Variants in TRPC5 observed in about 807,000 individuals in gnomAD.
TRPC5 encodes short transient receptor potential channel 5.
In TRPC5, 9 loss-of-function variants were observed where a neutral mutation model predicts 56.5. The ratio of observed to expected loss-of-function variants is 0.16; its 90% CI spans 0.10 to 0.28. The LOEUF (loss-of-function observed/expected upper bound fraction) is 0.28, where lower values mean the gene tolerates loss of function less well. Among genes scored for constraint, TRPC5 ranks in the 10% least tolerant of loss-of-function variants. The pLI is 1.00. For synonymous variants in TRPC5, 282 were observed against 278.5 expected, an observed-to-expected ratio of 1.01 and a Z score of -0.13; for missense variants, 469 against 748.9, an observed-to-expected ratio of 0.63 and a Z score of 4.36.
At chrX:111,825,166 TC>T in intron 7 of TRPC5, among the ~76,000 whole-genome samples, 1 of 70,563 alleles carries the variant, frequency 1.4e-5, no homozygotes, top group South Asian at 7.5e-4. Context: ...TTTCTTTCTT[TC>T]TTTCTTTCTT....
At chrX:111,821,196 C>T (rs1269954177) in intron 7 of TRPC5, among the ~76,000 whole-genome samples, 3 of 111,814 alleles carry the variant, frequency 2.7e-5, no homozygotes, top group African/African-American at 6.5e-5. Flanking sequence ...GAGATAAATA[C>T]ATTCCTTGAC....
intron 2 of TRPC5, among the ~76,000 whole-genome samples, chrX:111,923,003 C>T (rs149672260): frequency 3.6e-5 from 4 of 110,648 alleles, no homozygotes; most frequent in African/African-American, 1.3e-4. Flanking sequence ...ATAATTACTC[C>T]CATTTTATAT....
chrX:111,789,296 C>G (rs960922448), intron 7 of TRPC5, among the ~76,000 whole-genome samples: 4 of 111,553 alleles, frequency 3.6e-5, no homozygotes, highest in Non-Finnish European at 3.8e-5. Context: ...ACAAACCTGA[C>G]AAAAACAAGC....
chrX:111,823,624 T>C (rs1449395707), intron 7 of TRPC5, among the ~76,000 whole-genome samples: 2 of 111,218 alleles, frequency 1.8e-5, no homozygotes, highest in African/African-American at 6.6e-5. Context: ...GTGTGAAGTC[T>C]GCTGGACACA....
At chrX:111,905,666 G>A (rs1034224769) in intron 3 of TRPC5, among the ~76,000 whole-genome samples, 15 of 111,505 alleles carry the variant, frequency 1.3e-4, no homozygotes, top group African/African-American at 4.9e-4. Context: ...TGTAATCCCA[G>A]CACTTTGGGA....
rs1438148660 is a variant in TRPC5, at chrX:111,771,210, ATTGT to A, written c.*5099_*5102del. On this transcript the variant is annotated 3_prime_UTR_variant, in exon 11 of 11. Transcript: ENST00000262839. ...GTGGGCTGTTTATGTTCCTACAGAA[ATTGT>A]TTGTCATTTATTTGTGTAGTAACAG... Among the ~76,000 whole-genome samples, 4 of 111,804 alleles carry A rather than the reference ATTGT, an allele frequency of 3.6e-5. No homozygotes were observed. Among genetic ancestry groups the A allele is most frequent in the South Asian group, 7.5e-4 (2 of 2,659 alleles).
chrX:111,983,371 T>G (rs146701370), intron 1 of TRPC5, among the ~76,000 whole-genome samples: 4,338 of 111,255 alleles, frequency 0.039, 209 homozygotes, highest in African/African-American at 0.13. Flanking sequence ...AGTGGCTGAG[T>G]AAAGAGCCTG....
At chrX:111,936,444 T>C (rs1926579498) in intron 2 of TRPC5, among the ~76,000 whole-genome samples, 1 of 109,750 alleles carries the variant, frequency 9.1e-6, no homozygotes, top group Admixed American at 9.7e-5. Context: ...GCTGCACCCA[T>C]TAACTCGTCA....
Position 111,980,300 on chromosome X carries a change from A to G in TRPC5, c.-21-27859T>C, listed in dbSNP as rs138299664. Among the ~76,000 whole-genome samples the G allele has an allele frequency of 8.0e-3, 897 of 111,520 alleles. 8 individuals are homozygous for G. Among genetic ancestry groups the G allele is most frequent in the African/African-American group, 0.027 (840 of 30,791 alleles). ...TGAATCTATAGTGAGAAAAAGATCA[A>G]TGGTTGCCTGTGGATGATGGGGATG... is the stretch of plus-strand genomic sequence containing the variant. On this transcript the variant is annotated intron_variant, in intron 1 of 10. Transcript: ENST00000262839.
intron 2 of TRPC5, among the ~76,000 whole-genome samples, chrX:111,945,390 A>G (rs1926906563): frequency 9.1e-6 from 1 of 110,005 alleles, no homozygotes; most frequent in South Asian, 3.9e-4. Context: ...TCTACCCCTA[A>G]GTAAACAGGC....
intron 3 of TRPC5, among the ~76,000 whole-genome samples, chrX:111,882,757 A>G (rs1170576064): frequency 8.9e-6 from 1 of 112,481 alleles, no homozygotes; most frequent in African/African-American, 3.2e-5. Flanking sequence ...GACAGAGTCT[A>G]AGTCTAGTTA....
chrX:111,981,002 G>C (rs1369143114), intron 1 of TRPC5, among the ~76,000 whole-genome samples: 1 of 107,428 alleles, frequency 9.3e-6, no homozygotes, highest in Non-Finnish European at 1.9e-5. Flanking sequence ...TATATACAGA[G>C]AAGACTATCT....
chrX:112,014,939 T>C (rs2148664018), intron 1 of TRPC5, among the ~76,000 whole-genome samples: 1 of 111,608 alleles, frequency 9.0e-6, no homozygotes, highest in Non-Finnish European at 1.9e-5. Context: ...GGCATCAGTA[T>C]TTTTAGAGCT....
At chrX:111,939,159 T>C (rs1191144892) in intron 2 of TRPC5, among the ~76,000 whole-genome samples, 1 of 112,285 alleles carries the variant, frequency 8.9e-6, no homozygotes, top group East Asian at 2.8e-4. Flanking sequence ...GAAATAATCA[T>C]ATGGTTTCTG....
chrX:111,778,317 T>C (rs1359859195), intron 10 of TRPC5, among the ~76,000 whole-genome samples: 1 of 111,340 alleles, frequency 9.0e-6, no homozygotes, highest in Non-Finnish European at 1.9e-5. Flanking sequence ...AAAATATATA[T>C]ATAGATGTGT....
intron 2 of TRPC5, among the ~76,000 whole-genome samples, chrX:111,923,970 T>A (rs928072588): frequency 1.4e-4 from 16 of 112,116 alleles, no homozygotes; most frequent in Non-Finnish European, 2.6e-4. Context: ...CTTGGTTCAC[T>A]TTGTATAAAT....
chrX:111,825,175 CT>C (rs1252718290), intron 7 of TRPC5, among the ~76,000 whole-genome samples: 1 of 80,076 alleles, frequency 1.2e-5, no homozygotes, highest in Non-Finnish European at 2.3e-5. Flanking sequence ...TTCTTTCTTT[CT>C]TTCTTTCTTT....
Position 111,853,941 on chromosome X carries a change from G to A in TRPC5, c.1066C>T (p.Leu356Phe), listed in dbSNP as rs752581138. The A allele has an allele frequency of 5.0e-6, 6 of 1,211,821 alleles. No individual in the cohort carries two copies. The highest frequency in any genetic ancestry group is 6.7e-6 in the Non-Finnish European group (6 of 895,550). Residue 356 changes from leucine to phenylalanine, a missense_variant, in exon 4 of 11, where the codon CTT (leucine) becomes TTT (phenylalanine). By Grantham distance (22) the Leu-to-Phe change is conservative. Coordinates refer to ENST00000262839, the MANE Select transcript of TRPC5 (RefSeq NM_012471.3). Reference protein sequence around the residue: ...IAYLISPRSNLGLFIKKPFIK... With the variant: ...IAYLISPRSNFGLFIKKPFIK... ...AAGGGTTTCTTGATGAACAGCCCAA[G>A]GTTGCTCCTGGGTGAGATCAGGTAG...
At position 111,992,901 on chromosome X, in the gene TRPC5, T is replaced by C. The variant is rs1928398910; in HGVS notation, c.-21-40460A>G. On this transcript the variant is annotated intron_variant, in intron 1 of 10. Transcript: ENST00000262839. ...GTGTGTGCCCAGCCTTTAAAATTAT[T>C]ATTATTATTATTTATTATACTTTAA... is the stretch of plus-strand genomic sequence containing the variant. 2.7e-5 allele frequency among the ~76,000 whole-genome samples: 3 copies of C among 110,439 alleles called. No homozygotes were observed. In the South Asian group the frequency reaches 1.2e-3, roughly 43 times the overall value.
Sources: gnomAD v4.1 joint callset for allele counts (sites outside exome capture counted in the v4.1 genomes callset) on GRCh38, gnomAD v4.1.1 for gene constraint, MANE v1.5 for transcripts, NCBI Gene and HGNC (gene_info 2026-07-23, HGNC 2026-07-21) for gene names.